Variants in HEPHL1 observed in about 807,000 individuals in gnomAD.
HEPHL1 encodes the protein hephaestin like 1.
HEPHL1 carries 123 observed loss-of-function variants against 122.0 expected under a neutral mutation model. The ratio of observed to expected loss-of-function variants is 1.01; its 90% CI spans 0.87 to 1.17. The LOEUF is 1.17. Ranked by LOEUF, HEPHL1 falls within the 50% of genes most tolerant of loss-of-function variation. The pLI, the probability that HEPHL1 is intolerant of heterozygous loss-of-function variation, is 0.00. For synonymous variants in HEPHL1, 527 were observed against 508.9 expected, an observed-to-expected ratio of 1.04 and a Z score of -0.48; for missense variants, 1,452 against 1,430.5, an observed-to-expected ratio of 1.01 and a Z score of -0.24.
chr11:94,073,971 T>A (rs1796357329), intron 8 of HEPHL1, among the ~76,000 whole-genome samples: 1 of 152,112 alleles, frequency 6.6e-6, no homozygotes, highest in South Asian at 2.1e-4. Context: ...TGGCATAGGT[T>A]CTCTAAATGT....
At chr11:94,051,200 T>C (rs564429197) in intron 2 of HEPHL1, among the ~76,000 whole-genome samples, 5 of 152,262 alleles carry the variant, frequency 3.3e-5, no homozygotes, top group African/African-American at 9.6e-5. Flanking sequence ...ATGATAGCTC[T>C]GTTTTTAGTT....
intron 1 of HEPHL1, among the ~76,000 whole-genome samples, chr11:94,042,915 GC>G (rs1268728628): frequency 3.1e-5 from 4 of 130,450 alleles, no homozygotes; most frequent in Non-Finnish European, 6.5e-5. Context: ...GCTCATTCTG[GC>G]CCAGAGTGGG....
At chr11:94,026,220 A>G (rs905922492) in intron 1 of HEPHL1, among the ~76,000 whole-genome samples, 2 of 152,220 alleles carry the variant, frequency 1.3e-5, no homozygotes, top group African/African-American at 4.8e-5. Context: ...AGAGAAAGGC[A>G]AAAGGTAGAA....
intron 12 of HEPHL1, among the ~76,000 whole-genome samples, chr11:94,089,346 G>C (rs557797897): frequency 2.1e-4 from 32 of 152,350 alleles, no homozygotes; most frequent in African/African-American, 7.2e-4. Context: ...TGCTGTGGAT[G>C]CAGGACCTCA....
intron 4 of HEPHL1, among the ~76,000 whole-genome samples, chr11:94,066,005 T>G (rs1894164): frequency 0.93 from 140,674 of 151,990 alleles, 66,031 homozygotes; most frequent in East Asian, 1. Context: ...GCAACATAGG[T>G]AGATCCGTTA....
chr11:94,081,203 C>A (rs1334909825), intron 9 of HEPHL1, among the ~76,000 whole-genome samples: 1 of 152,154 alleles, frequency 6.6e-6, no homozygotes, highest in Non-Finnish European at 1.5e-5. Context: ...AACAGGAAAC[C>A]AAACAATGCA....
chr11:94,088,860 A>C lies in HEPHL1; in HGVS notation c.2186A>C (p.Tyr729Ser). 1 of 1,614,004 alleles carries C rather than the reference A, an allele frequency of 6.2e-7. No individual in the cohort carries two copies. The highest frequency in any genetic ancestry group is 8.5e-7 in the Non-Finnish European group (1 of 1,179,874). The part of the protein sequence containing the change: ...CDNRDPSEQR[Y>S]GMIRTFYIAA... ...AACAGGGACCCTTCTGAGCAGCGGTACGGGATGATAAGAACTTTTTACATC... is the reference window on the plus strand; with the variant it reads ...AACAGGGACCCTTCTGAGCAGCGGTCCGGGATGATAAGAACTTTTTACATC... The change falls in exon 12 of 20, where the codon TAC becomes TCC. Residue 729 changes from tyrosine (Y) to serine (S), a missense_variant. By Grantham distance (144) the Tyr-to-Ser change is moderately radical (BLOSUM62 -2). Coordinates refer to ENST00000315765, the MANE Select transcript of HEPHL1 (RefSeq NM_001098672.2).
At chr11:94,104,107 G>T (rs1946390677) in intron 15 of HEPHL1, among the ~76,000 whole-genome samples, 1 of 152,206 alleles carries the variant, frequency 6.6e-6, no homozygotes, top group South Asian at 2.1e-4. Context: ...TTTGGAGGGA[G>T]AGTCTAGGAA....
chr11:94,105,860 G>T, intron 16 of HEPHL1, 131 bp from the exon 17 acceptor site: 2 of 541,816 alleles, frequency 3.7e-6, no homozygotes, highest in South Asian at 4.2e-5. Flanking sequence ...ACACTGCTAG[G>T]GGTGAGTGAG....
chr11:94,088,943 C>T lies in HEPHL1; in HGVS notation c.2269C>T (p.Gln757Ter), dbSNP rs1946240999. Residue 757 changes from glutamine (Q) to a stop codon, truncating the protein, a stop_gained, in exon 12 of 20, where the codon CAG (glutamine) becomes TAG (stop). Coordinates refer to ENST00000315765, the MANE Select transcript of HEPHL1 (RefSeq NM_001098672.2). LOFTEE classifies it high-confidence loss of function. Reference sequence around the variant, plus strand: ...TAACAAAAACTGGGAGTTCGAAAAGCAGCACGTGGACGCAAGAGGGGAAAG... The same window carrying T: ...TAACAAAAACTGGGAGTTCGAAAAGTAGCACGTGGACGCAAGAGGGGAAAG... ...APNKNWEFEK[Q>*]HVDARGERHG... 6.2e-7 allele frequency: 1 copy of T among 1,613,836 alleles called. No individual in the cohort carries two copies. The highest frequency in any genetic ancestry group is 8.5e-7 in the Non-Finnish European group (1 of 1,179,876).
At chr11:94,032,999 C>T (rs554703714) in intron 1 of HEPHL1, among the ~76,000 whole-genome samples, 1 of 152,324 alleles carries the variant, frequency 6.6e-6, no homozygotes, top group South Asian at 2.1e-4. Flanking sequence ...CACATATGGA[C>T]AACCCATGCC....
intron 9 of HEPHL1, 72 bp downstream of exon 9, chr11:94,075,457 A>G (rs1414690013): frequency 6.2e-6 from 7 of 1,138,154 alleles, no homozygotes; most frequent in Non-Finnish European, 9.2e-6. Context: ...CAGAGACGAG[A>G]CAGGAATAGT....
intron 1 of HEPHL1, among the ~76,000 whole-genome samples, chr11:94,041,881 A>C: frequency 4.8e-5 from 3 of 62,194 alleles, no homozygotes; most frequent in Admixed American, 2.1e-4. Context: ...AATGGGATCT[A>C]ATTAAACTAA....
At chr11:94,086,237 C>A (rs2134441881) in intron 11 of HEPHL1, 48 bp downstream of exon 11, 2 of 1,405,694 alleles carry the variant, frequency 1.4e-6, no homozygotes, top group Non-Finnish European at 2.0e-6. Flanking sequence ...TACCTTCAGG[C>A]TCATCCTCTT....
intron 6 of HEPHL1, among the ~76,000 whole-genome samples, chr11:94,072,175 G>A (rs1946079286): frequency 6.6e-6 from 1 of 152,044 alleles, no homozygotes; most frequent in Admixed American, 6.6e-5. Flanking sequence ...GACCATTATG[G>A]CTTACTTTTG....
intron 9 of HEPHL1, among the ~76,000 whole-genome samples, chr11:94,081,915 G>A (rs2134439093): frequency 6.6e-6 from 1 of 152,326 alleles, no homozygotes. Context: ...AGACCACTCT[G>A]AGGAAATGAC....
In HEPHL1 at chr11:94,104,719, T is replaced by G. The variant is rs1475635001; in HGVS notation, c.2874T>G (p.Thr958=). Residue 958 remains threonine, a synonymous_variant, in exon 16 of 20, where the codon ACT becomes ACG. Transcript: ENST00000315765. The part of the protein sequence containing the change: ...LNKDPRDFKR[T]DDFEESNRMH... ...AAGATCCACGAGATTTTAAGCGCAC[T>G]GATGATTTTGAGGAAAGCAACAGAA... 1 of 1,613,704 alleles carries G rather than the reference T, an allele frequency of 6.2e-7. No individual in the cohort carries two copies. The highest frequency in any genetic ancestry group is 1.3e-5 in the African/African-American group (1 of 75,056).
chr11:94,090,991 A>G (rs1946260364), intron 12 of HEPHL1, among the ~76,000 whole-genome samples: 1 of 152,166 alleles, frequency 6.6e-6, no homozygotes, highest in Admixed American at 6.5e-5. Context: ...AGTGGGAGGA[A>G]ATTTGAAAAC....
At position 94,111,618 on chromosome 11, in the gene HEPHL1, T is replaced by G. The variant is rs1946450760; in HGVS notation, c.3277+13T>G. On this transcript the variant is annotated intron_variant, in intron 19 of 19. Coordinates refer to ENST00000315765, the MANE Select transcript of HEPHL1 (RefSeq NM_001098672.2). The stretch of plus-strand genomic sequence containing the variant: ...GTGCCATCTAACGGTAATGATACCC[T>G]CTCCCCATGTAAATGAGTCAACATT... 6.2e-7 allele frequency: 1 copy of G among 1,607,044 alleles called. No individual in the cohort carries two copies. The highest frequency in any genetic ancestry group is 8.5e-7 in the Non-Finnish European group (1 of 1,176,262).
Sources: gnomAD v4.1 joint callset for allele counts (sites outside exome capture counted in the v4.1 genomes callset) on GRCh38, gnomAD v4.1.1 for gene constraint, MANE v1.5 for transcripts, NCBI Gene and HGNC (gene_info 2026-07-23, HGNC 2026-07-21) for gene names.